CUX2: variants seen among roughly 807,000 people sequenced by gnomAD.
CUX2 encodes cut like homeobox 2, also known as homeobox protein cut-like 2.
Under a neutral mutation model 144.8 loss-of-function variants are expected in CUX2, and 40 were observed. That is an observed-to-expected ratio of 0.28 (90% CI 0.21 to 0.36). The LOEUF (loss-of-function observed/expected upper bound fraction) is 0.36. CUX2 is among the 10% of genes least tolerant of loss of function. The pLI, the probability that CUX2 is intolerant of heterozygous loss-of-function variation, is 1.00. For missense variants in CUX2, 1,615 were observed against 1,994.0 expected, an observed-to-expected ratio of 0.81 and a Z score of 3.62; for synonymous variants, 827 against 875.6, an observed-to-expected ratio of 0.94 and a Z score of 0.98.
intron 1 of CUX2, among the ~76,000 whole-genome samples, chr12:111,071,083 GTT>G (rs774905040): frequency 4.5e-4 from 60 of 134,202 alleles, no homozygotes; most frequent in African/African-American, 1.2e-3. Context: ...CTTTCTCTAG[GTT>G]TTTTTTTTTT....
chr12:111,193,901 C>A (rs967458077), intron 1 of CUX2, among the ~76,000 whole-genome samples: 3 of 152,022 alleles, frequency 2.0e-5, no homozygotes, highest in Non-Finnish European at 4.4e-5. Flanking sequence ...ACAGTCTGTC[C>A]CAGGATGGAG....
intron 10 of CUX2, among the ~76,000 whole-genome samples, chr12:111,305,985 A>G (rs1886560520): frequency 6.6e-6 from 1 of 152,044 alleles, no homozygotes; most frequent in Non-Finnish European, 1.5e-5. Flanking sequence ...GTCCCAGGAG[A>G]TTCTGTGTGT....
At chr12:111,083,356 C>T (rs1297469252) in intron 1 of CUX2, among the ~76,000 whole-genome samples, 2 of 152,036 alleles carry the variant, frequency 1.3e-5, no homozygotes, top group African/African-American at 4.8e-5. Flanking sequence ...AAGGAGACCA[C>T]GAAGGAGACA....
intron 1 of CUX2, among the ~76,000 whole-genome samples, chr12:111,087,126 G>A (rs759508062): frequency 3.3e-5 from 5 of 152,012 alleles, no homozygotes; most frequent in Admixed American, 6.6e-5. Context: ...CTGGGAGGCC[G>A]AGGCAGGCGG....
intron 3 of CUX2, among the ~76,000 whole-genome samples, chr12:111,236,821 CA>C (rs1222272724): frequency 6.6e-6 from 1 of 152,154 alleles, no homozygotes; most frequent in Non-Finnish European, 1.5e-5. Context: ...ATGAGGATTT[CA>C]AAAATAATTG....
chr12:111,208,113 G>A (rs1881020410), intron 1 of CUX2, among the ~76,000 whole-genome samples: 1 of 152,074 alleles, frequency 6.6e-6, no homozygotes, highest in Non-Finnish European at 1.5e-5. Context: ...AAACCAGGAG[G>A]GACATACTGA....
chr12:111,334,710 G>C lies in CUX2; in HGVS notation c.3196G>C (p.Gly1066Arg). 6.3e-7 allele frequency: 1 copy of C among 1,597,762 alleles called. No homozygotes were observed. The highest frequency in any genetic ancestry group is 8.5e-7 in the Non-Finnish European group (1 of 1,170,410). The stretch of plus-strand genomic sequence containing the variant: ...GGAGGTCCTCACAGACAACAATCTA[G>C]GTACGGAGCGGGTGGGAATCGGAGA... ...VKEVLTDNNL[G>R]QRLFGESILG... is the part of the protein sequence containing the mutation. The change falls in exon 19 of 22, where the codon GGG becomes CGG. Residue 1066 changes from glycine to arginine, a missense_variant and splice_region_variant. Gly to Arg is a moderately radical substitution (Grantham distance 125). Transcript: ENST00000261726.
At chr12:111,072,718 T>G (rs1477573593) in intron 1 of CUX2, among the ~76,000 whole-genome samples, 1 of 152,246 alleles carries the variant, frequency 6.6e-6, no homozygotes, top group African/African-American at 2.4e-5. Flanking sequence ...ACTGTGGCCC[T>G]TGGGCCTGCT....
chr12:111,145,004 C>T (rs547121332), intron 1 of CUX2, among the ~76,000 whole-genome samples: 11 of 152,278 alleles, frequency 7.2e-5, no homozygotes, highest in South Asian at 4.1e-4. Flanking sequence ...GTGCCCTGGA[C>T]GCAGCTTGGC....
At chr12:111,203,150 T>G (rs1023853088) in intron 1 of CUX2, among the ~76,000 whole-genome samples, 17 of 149,412 alleles carry the variant, frequency 1.1e-4, no homozygotes, top group African/African-American at 4.0e-4. Context: ...GAGAATCACT[T>G]GAACCCAGGA....
intron 1 of CUX2, among the ~76,000 whole-genome samples, chr12:111,201,986 C>G (rs1880623543): frequency 6.6e-6 from 1 of 152,150 alleles, no homozygotes; most frequent in Admixed American, 6.5e-5. Flanking sequence ...CACAGACCTC[C>G]CAGAAGATGC....
At chr12:111,076,841 ATG>A (rs1323928031) in intron 1 of CUX2, among the ~76,000 whole-genome samples, 1 of 152,140 alleles carries the variant, frequency 6.6e-6, no homozygotes, top group Non-Finnish European at 1.5e-5. Flanking sequence ...GCATGGGTAT[ATG>A]TGTGTCCTTA....
chr12:111,146,269 G>A (rs983183546), intron 1 of CUX2, among the ~76,000 whole-genome samples: 27 of 152,146 alleles, frequency 1.8e-4, no homozygotes, highest in Non-Finnish European at 3.7e-4. Context: ...AATGTATGAC[G>A]ACGTGGCTCC....
intron 1 of CUX2, among the ~76,000 whole-genome samples, chr12:111,187,662 C>T (rs192469367): frequency 5.3e-5 from 8 of 152,304 alleles, no homozygotes; most frequent in South Asian, 2.1e-4. Context: ...CACAACAGGC[C>T]GGCTGGGTCT....
rs1481970396 is a variant in CUX2, at chr12:111,061,176, A to G, written c.63+26936A>G. 9.0e-6 allele frequency among the ~76,000 whole-genome samples: 1 copy of G among 111,476 alleles called. No individual in the cohort carries two copies. The highest frequency in any genetic ancestry group is 1.8e-5 in the Non-Finnish European group (1 of 54,438). 73.1% of individuals were successfully genotyped at this position (111,476 alleles called of 152,430 possible). A position where few individuals can be genotyped will look rare whatever the true frequency, so the allele number is the denominator to read the frequency against. On this transcript the variant is annotated intron_variant, in intron 1 of 21. Transcript: ENST00000261726. This position sits in a 1 kb window ranked among gnomAD's most constrained non-coding sequence, Gnocchi z 4.2. Reference sequence around the variant, plus strand: ...GCTGTCCCCAGATGTGTGCATGCATATGCACACACACACACACACACACAC... The same window carrying G: ...GCTGTCCCCAGATGTGTGCATGCATGTGCACACACACACACACACACACAC...
At chr12:111,136,344 C>A (rs1316140535) in intron 1 of CUX2, among the ~76,000 whole-genome samples, 1 of 152,028 alleles carries the variant, frequency 6.6e-6, no homozygotes, top group Non-Finnish European at 1.5e-5. Context: ...TGGAGCTGCC[C>A]TTTCCTGAGA....
intron 1 of CUX2, among the ~76,000 whole-genome samples, chr12:111,110,130 A>G (rs1873854445): frequency 6.7e-6 from 1 of 150,024 alleles, no homozygotes; most frequent in East Asian, 2.0e-4. Context: ...CAATCCTCCC[A>G]CCTCAGCCTC....
chr12:111,057,619 C>T lies in CUX2; in HGVS notation c.63+23379C>T, dbSNP rs931259062. ...TCTTCCTGTCTTCCTGTGGGCCCCT[C>T]GCTCCCCACTTCTGCCAGCAGCCTC... On this transcript the variant is annotated intron_variant, in intron 1 of 21. Coordinates refer to ENST00000261726, the MANE Select transcript of CUX2 (RefSeq NM_015267.4). The surrounding 1 kb of genome is among the most constrained non-coding windows in gnomAD (Gnocchi z 5.1). 1.3e-5 allele frequency among the ~76,000 whole-genome samples: 2 copies of T among 152,172 alleles called. No homozygotes were observed. Among genetic ancestry groups the T allele is most frequent in the East Asian group, 1.9e-4 (1 of 5,196 alleles).
intron 3 of CUX2, among the ~76,000 whole-genome samples, chr12:111,224,992 G>A (rs560827260): frequency 6.6e-5 from 10 of 152,162 alleles, no homozygotes; most frequent in African/African-American, 2.4e-4. Flanking sequence ...TGCAACCTCC[G>A]CCTCCCAGGC....
Sources: gnomAD v4.1 joint callset for allele counts (sites outside exome capture counted in the v4.1 genomes callset) on GRCh38, gnomAD v4.1.1 for gene constraint, Gnocchi (gnomAD v3.1) non-coding constraint, MANE v1.5 for transcripts, NCBI Gene and HGNC (gene_info 2026-07-23, HGNC 2026-07-21) for gene names.